FRMD6: variants seen among roughly 807,000 people sequenced by gnomAD.
The protein encoded by FRMD6 is FERM domain containing 6, also known as FERM domain-containing protein 6.
FRMD6 carries 37 observed loss-of-function variants against 73.2 expected under a neutral mutation model. That is an observed-to-expected ratio of 0.51 (90% CI 0.39 to 0.66). The LOEUF (loss-of-function observed/expected upper bound fraction) is 0.66, where lower values mean the gene tolerates loss of function less well. Ranked by LOEUF, FRMD6 falls within the 30% of genes least tolerant of loss-of-function variation. The probability of loss-of-function intolerance (pLI) is 0.00; values close to 1 mark genes in which losing one functional copy is unlikely to be tolerated. For synonymous variants in FRMD6, 273 were observed against 282.2 expected, an observed-to-expected ratio of 0.97 and a Z score of 0.33; for missense variants, 714 against 780.5, an observed-to-expected ratio of 0.91 and a Z score of 1.02.
chr14:51,543,094 A>G (rs1886286885), intron 1 of FRMD6, among the ~76,000 whole-genome samples: 1 of 151,976 alleles, frequency 6.6e-6, no homozygotes, highest in African/African-American at 2.4e-5. Flanking sequence ...ACTTTTGACA[A>G]AGTCTAATTT....
At chr14:51,569,338 GA>G (rs1450265686) in intron 1 of FRMD6, among the ~76,000 whole-genome samples, 2 of 152,076 alleles carry the variant, frequency 1.3e-5, no homozygotes, top group African/African-American at 4.8e-5. Flanking sequence ...GCCAAAAAAA[GA>G]AACGGTAACC....
chr14:51,619,429 A>G (rs1300078026), intron 2 of FRMD6, among the ~76,000 whole-genome samples: 2 of 152,086 alleles, frequency 1.3e-5, no homozygotes, highest in East Asian at 1.9e-4. Flanking sequence ...CCTGGCTTTC[A>G]CCTTTAACGG....
intron 1 of FRMD6, among the ~76,000 whole-genome samples, chr14:51,563,073 C>T (rs188972285): frequency 8.5e-5 from 13 of 152,274 alleles, no homozygotes; most frequent in African/African-American, 1.2e-4. Context: ...GGCTGCTGAC[C>T]GATGTGTAGC....
the FRMD6 span, among the ~76,000 whole-genome samples, chr14:51,469,977 T>C: frequency 6.6e-6 from 1 of 152,322 alleles, no homozygotes; most frequent in East Asian, 1.9e-4. Context: ...AATACTTACA[T>C]AGACACAGGG....
At chr14:51,642,544 A>G (rs1176852433) in intron 2 of FRMD6, among the ~76,000 whole-genome samples, 1 of 152,160 alleles carries the variant, frequency 6.6e-6, no homozygotes, top group Non-Finnish European at 1.5e-5. Flanking sequence ...CTCCTAAGTA[A>G]ATAAATAAAT....
In FRMD6 at chr14:51,538,349, G is replaced by GT. The variant is rs531870023; in HGVS notation, c.-209-31993dup. Among the ~76,000 whole-genome samples, 40 of 151,900 alleles carry GT rather than the reference G, an allele frequency of 2.6e-4. No homozygotes were observed. The East Asian group carries it at 7.6e-3, about 29-fold the overall frequency. On this transcript the variant is annotated intron_variant, in intron 1 of 14. Transcript: ENST00000356218. ...GAGAATATTTTGTCCCATTCTGTGG[G>GT]TTTTTTACTTTTTCGGTGGTGTACT... is the stretch of plus-strand genomic sequence containing the variant.
intron 2 of FRMD6, among the ~76,000 whole-genome samples, chr14:51,618,614 T>C (rs994553433): frequency 1.3e-5 from 2 of 152,056 alleles, no homozygotes; most frequent in African/African-American, 4.8e-5. Context: ...GACTTGCTGA[T>C]AGGTTGAATG....
intron 2 of FRMD6, among the ~76,000 whole-genome samples, chr14:51,616,221 A>G (rs1890704017): frequency 6.6e-6 from 1 of 152,144 alleles, no homozygotes. Flanking sequence ...TATTAGCTTA[A>G]AGCAATGGCT....
intron 1 of FRMD6, among the ~76,000 whole-genome samples, chr14:51,672,438 C>T (rs1055214915): frequency 3.3e-5 from 5 of 152,258 alleles, no homozygotes; most frequent in South Asian, 2.1e-4. Flanking sequence ...TGATTTGGCT[C>T]CTTCTGGTTT....
intron 1 of FRMD6, among the ~76,000 whole-genome samples, chr14:51,517,465 T>C (rs1304226751): frequency 6.6e-6 from 1 of 152,176 alleles, no homozygotes; most frequent in East Asian, 1.9e-4. Context: ...GTAGCTATTA[T>C]AGAAACCAAT....
Position 51,688,091 on chromosome 14 carries a change from GA to G in FRMD6, c.-146-1598del, listed in dbSNP as rs553311499. Among the ~76,000 whole-genome samples the G allele has an allele frequency of 8.6e-5, 13 of 151,738 alleles. 1 individual carries two copies. The South Asian group carries it at 2.7e-3, about 32-fold the overall frequency. Reference sequence around the variant, plus strand: ...CCCTGGTCCTCCAACTGATGCTTTGGAATTGTTGAAGGAAAAGCATGCGTGT... The same window carrying G: ...CCCTGGTCCTCCAACTGATGCTTTGGATTGTTGAAGGAAAAGCATGCGTGT... On this transcript the variant is annotated intron_variant, in intron 1 of 13. Coordinates refer to ENST00000344768, the MANE Select transcript of FRMD6 (RefSeq NM_001267046.2).
upstream of FRMD6, among the ~76,000 whole-genome samples, chr14:51,487,337 A>C (rs766674017): frequency 6.6e-6 from 1 of 152,232 alleles, no homozygotes; most frequent in Non-Finnish European, 1.5e-5. Flanking sequence ...TCAGTAAAAT[A>C]CAAAATCAAC....
chr14:51,685,212 C>T (rs1482964805), intron 1 of FRMD6, among the ~76,000 whole-genome samples: 3 of 152,114 alleles, frequency 2.0e-5, no homozygotes, highest in Non-Finnish European at 4.4e-5. Context: ...AAACTCTTGC[C>T]TGGGATAGAT....
chr14:51,460,445 A>T, the FRMD6 span, among the ~76,000 whole-genome samples: 2 of 152,210 alleles, frequency 1.3e-5, no homozygotes, highest in African/African-American at 4.8e-5. Context: ...TTTTATTTCC[A>T]TAAAATAGAT....
chr14:51,451,732 C>T, the FRMD6 span, among the ~76,000 whole-genome samples: 3 of 152,186 alleles, frequency 2.0e-5, no homozygotes, highest in African/African-American at 7.2e-5. Flanking sequence ...GAGCTTGGCA[C>T]CTCCCCCACT....
chr14:51,711,447 G>T, intron 7 of FRMD6, 84 bp from the exon 8 acceptor site: 2 of 883,362 alleles, frequency 2.3e-6, no homozygotes, highest in Non-Finnish European at 3.4e-6. Context: ...TTTCAATCCT[G>T]AAATGTTTCT....
chr14:51,410,044 G>T, the FRMD6 span, among the ~76,000 whole-genome samples: 1 of 152,168 alleles, frequency 6.6e-6, no homozygotes, highest in Non-Finnish European at 1.5e-5. Context: ...TTTCAATGGA[G>T]AACTACTTTG....
chr14:51,471,828 G>A, the FRMD6 span, among the ~76,000 whole-genome samples: 1 of 152,058 alleles, frequency 6.6e-6, no homozygotes, highest in Non-Finnish European at 1.5e-5. Flanking sequence ...ATGAAAAATA[G>A]GAAAAAGGAA....
chr14:51,625,294 T>C (rs1289648755), intron 2 of FRMD6, among the ~76,000 whole-genome samples: 5 of 152,160 alleles, frequency 3.3e-5, no homozygotes, highest in African/African-American at 1.2e-4. Context: ...GTGGTGGTTA[T>C]ATATTTTTCT....
Sources: gnomAD v4.1 joint callset for allele counts (sites outside exome capture counted in the v4.1 genomes callset) on GRCh38, gnomAD v4.1.1 for gene constraint, MANE v1.5 for transcripts, NCBI Gene and HGNC (gene_info 2026-07-23, HGNC 2026-07-21) for gene names.